Variants in WHRN observed in about 807,000 individuals in gnomAD.
The protein encoded by WHRN is whirlin.
WHRN carries 41 observed loss-of-function variants against 68.3 expected under a neutral mutation model. That is an observed-to-expected ratio of 0.60 (90% confidence interval 0.47 to 0.78). WHRN has a LOEUF of 0.78. WHRN is among the 30% of genes least tolerant of loss of function. The pLI is 0.00. For synonymous variants in WHRN, 560 were observed against 561.3 expected (o/e 1.00, Z 0.03); for missense variants, 1,243 against 1,244.7 (o/e 1.00, Z 0.02).
At chr9:114,498,978 G>A (rs1043461312) in intron 1 of WHRN, among the ~76,000 whole-genome samples, 2 of 152,180 alleles carry the variant, frequency 1.3e-5, no homozygotes, top group Non-Finnish European at 2.9e-5. Context: ...CAAGTGCAAT[G>A]TAAATTACAT....
rs539754155 is a variant in WHRN, at chr9:114,427,785, CAG to C, written c.964-1374_964-1373del. ...TCTCCTCTGCACCGGCTTTGACACT[CAG>C]GGGAGGCTTGCTGCCTCTGCCTCCA... On this transcript the variant is annotated intron_variant, in intron 3 of 11. Coordinates refer to ENST00000362057, the MANE Select transcript of WHRN (RefSeq NM_015404.4). Among the ~76,000 whole-genome samples, 733 of 152,322 alleles carry C rather than the reference CAG, an allele frequency of 4.8e-3. 8 individuals carry two copies. The highest frequency in any genetic ancestry group is 0.016 in the African/African-American group (679 of 41,562).
intron 1 of WHRN, among the ~76,000 whole-genome samples, chr9:114,488,543 C>CA (rs1842721103): frequency 1.3e-5 from 2 of 152,098 alleles, no homozygotes; most frequent in African/African-American, 4.8e-5. Flanking sequence ...TGGCCCAAGA[C>CA]AGACAGGGGA....
chr9:114,503,340 A>T, intron 1 of WHRN: 295 of 224,564 alleles, frequency 1.3e-3, no homozygotes, highest in Middle Eastern at 4.7e-3. Flanking sequence ...AGGTCGGGGG[A>T]GGGGGGAAGG....
Position 114,491,549 on chromosome 9 carries a change from C to T in WHRN, c.618+12635G>A, listed in dbSNP as rs143445858. The T allele has an allele frequency of 7.3e-4, 128 of 175,328 alleles. 1 individual carries two copies. In the East Asian group the frequency reaches 0.015, roughly 21 times the overall value. The allele number at this position is 175,328 out of a possible 1,614,324, so 10.9% of individuals were successfully genotyped here. ...GGATGCAACGGAGGCAGGTCGGAGC[C>T]GCTGCCATCACCATGACCTGTGGTA... On this transcript the variant is annotated intron_variant, in intron 1 of 11. Coordinates refer to ENST00000362057, the MANE Select transcript of WHRN (RefSeq NM_015404.4).
At chr9:114,451,861 GTTAC>G (rs1370750858) in intron 3 of WHRN, among the ~76,000 whole-genome samples, 1 of 152,184 alleles carries the variant, frequency 6.6e-6, no homozygotes, top group Non-Finnish European at 1.5e-5. Flanking sequence ...CCTTGGGCAA[GTTAC>G]TTAACCTCTC....
intron 3 of WHRN, 81 bp from the exon 4 acceptor site, chr9:114,426,494 T>C: frequency 1.3e-6 from 2 of 1,529,176 alleles, no homozygotes; most frequent in Admixed American, 1.7e-5. Flanking sequence ...AGATCCCAAT[T>C]CTCCTCTGGG....
intron 3 of WHRN, among the ~76,000 whole-genome samples, chr9:114,434,203 C>A (rs570501635): frequency 1.3e-5 from 2 of 152,132 alleles, no homozygotes; most frequent in African/African-American, 2.4e-5. Context: ...TAATAGGCAC[C>A]GCCTGAGACA....
intron 4 of WHRN, chr9:114,425,277 G>T: frequency 1.5e-6 from 1 of 646,558 alleles, no homozygotes; most frequent in Non-Finnish European, 2.8e-6. Context: ...CTCCTGAGTT[G>T]TTGCCAACCC....
chr9:114,452,081 T>C (rs903386277), intron 3 of WHRN, among the ~76,000 whole-genome samples: 10 of 152,236 alleles, frequency 6.6e-5, no homozygotes, highest in African/African-American at 2.2e-4. Context: ...TAATGACTTA[T>C]TTCTGTTACT....
At chr9:114,464,661 C>G (rs1319456047) in intron 3 of WHRN, among the ~76,000 whole-genome samples, 1 of 152,094 alleles carries the variant, frequency 6.6e-6, no homozygotes, top group Non-Finnish European at 1.5e-5. Flanking sequence ...AATAAGAATT[C>G]CCCATTTGAT....
chr9:114,411,363 G>A (rs975319811), intron 7 of WHRN, among the ~76,000 whole-genome samples: 2 of 152,182 alleles, frequency 1.3e-5, no homozygotes, highest in Non-Finnish European at 2.9e-5. Flanking sequence ...AGAGGGGTCA[G>A]AGCCTCAGAG....
At chr9:114,417,918 G>A (rs1835939152) in intron 7 of WHRN, among the ~76,000 whole-genome samples, 1 of 152,220 alleles carries the variant, frequency 6.6e-6, no homozygotes, top group African/African-American at 2.4e-5. Context: ...GAGCCATGGG[G>A]GTCTTCCGTG....
intron 1 of WHRN, among the ~76,000 whole-genome samples, chr9:114,484,024 G>A (rs944303632): frequency 3.3e-5 from 5 of 152,204 alleles, no homozygotes; most frequent in African/African-American, 1.2e-4. Flanking sequence ...CTTGAGCTAT[G>A]CTGGCTGGTG....
chr9:114,446,744 G>C (rs1838851656), intron 3 of WHRN, among the ~76,000 whole-genome samples: 1 of 152,132 alleles, frequency 6.6e-6, no homozygotes, highest in Non-Finnish European at 1.5e-5. Context: ...AACTCTGAAA[G>C]CTCTTGCCTC....
At chr9:114,457,579 TA>T (rs1184304880) in intron 3 of WHRN, among the ~76,000 whole-genome samples, 2 of 152,030 alleles carry the variant, frequency 1.3e-5, no homozygotes, top group Non-Finnish European at 2.9e-5. Context: ...TACATTTTGG[TA>T]ATCATTTCTG....
At chr9:114,412,922 C>T (rs975206330) in intron 7 of WHRN, among the ~76,000 whole-genome samples, 4 of 152,194 alleles carry the variant, frequency 2.6e-5, no homozygotes, top group Non-Finnish European at 4.4e-5. Flanking sequence ...AGCCCAATTC[C>T]GGGTTTCTAG....
At chr9:114,490,893 T>C (rs564715692) in intron 1 of WHRN, among the ~76,000 whole-genome samples, 1 of 152,392 alleles carries the variant, frequency 6.6e-6, no homozygotes, top group Non-Finnish European at 1.5e-5. Flanking sequence ...AAGATATTGA[T>C]TCCTCTTTAA....
chr9:114,468,962 G>A (rs1375514581), intron 2 of WHRN, among the ~76,000 whole-genome samples: 1 of 152,192 alleles, frequency 6.6e-6, no homozygotes, highest in Non-Finnish European at 1.5e-5. Context: ...TCAGGCTCCG[G>A]AGCCAGACTG....
Position 114,406,401 on chromosome 9 carries a change from G to A in WHRN, c.2190C>T (p.Asp730=), listed in dbSNP as rs759222599. Residue 730 remains aspartate, a synonymous_variant, in exon 9 of 12, where the codon GAC becomes GAT. Transcript: ENST00000362057. ...HFVMVEVHRP[D]SEPDVNEVRA... ...TCACTTCATTGACGTCTGGCTCGCT[G>A]TCGGGGCGGTGGACCTCCACCATGA... The A allele has an allele frequency of 6.2e-7, 1 of 1,614,204 alleles. No homozygotes were observed. The highest frequency in any genetic ancestry group is 8.5e-7 in the Non-Finnish European group (1 of 1,180,052).
Sources: gnomAD v4.1 joint callset for allele counts (sites outside exome capture counted in the v4.1 genomes callset) on GRCh38, gnomAD v4.1.1 for gene constraint, MANE v1.5 for transcripts, NCBI Gene and HGNC (gene_info 2026-07-23, HGNC 2026-07-21) for gene names.